The following FHOD3 variants were observed in gnomAD, a reference collection of about 807,000 sequenced individuals.
FHOD3 encodes formin homology 2 domain containing 3, also known as FH1/FH2 domain-containing protein 3.
Under a neutral mutation model 173.0 loss-of-function variants are expected in FHOD3, and 90 were observed. The observed-to-expected ratio is 0.52, with a 90% CI of 0.44 to 0.62. The LOEUF (loss-of-function observed/expected upper bound fraction) is 0.62. FHOD3 is among the 20% of genes least tolerant of loss of function. The pLI, the probability that FHOD3 is intolerant of heterozygous loss-of-function variation, is 0.00. For missense variants in FHOD3, 1,945 were observed against 2,034.7 expected, an observed-to-expected ratio of 0.96 and a Z score of 0.85; for synonymous variants, 828 against 823.0, an observed-to-expected ratio of 1.01 and a Z score of -0.10.
At chr18:36,661,225 A>T (rs982296488) in intron 14 of FHOD3, among the ~76,000 whole-genome samples, 1 of 152,028 alleles carries the variant, frequency 6.6e-6, no homozygotes, top group Non-Finnish European at 1.5e-5. Flanking sequence ...AGACATTTTT[A>T]TATAGTTTGA....
At chr18:36,464,825 TC>T (rs2052807711) in intron 3 of FHOD3, among the ~76,000 whole-genome samples, 1 of 151,992 alleles carries the variant, frequency 6.6e-6, no homozygotes. Flanking sequence ...CTCTTCTTGC[TC>T]CCACCCTCTG....
chr18:36,703,886 C>A (rs530879386), intron 17 of FHOD3, among the ~76,000 whole-genome samples: 2 of 152,320 alleles, frequency 1.3e-5, no homozygotes, highest in East Asian at 1.9e-4. Flanking sequence ...GTTTCTCCCC[C>A]CTTCCATGGG....
intron 3 of FHOD3, among the ~76,000 whole-genome samples, chr18:36,453,511 G>A (rs559452722): frequency 8.5e-5 from 13 of 152,222 alleles, no homozygotes; most frequent in South Asian, 2.1e-4. Flanking sequence ...CGTGCTCTGC[G>A]CAATGCAGCC....
chr18:36,663,185 T>C (rs2036928155), intron 14 of FHOD3, among the ~76,000 whole-genome samples: 1 of 152,236 alleles, frequency 6.6e-6, no homozygotes, highest in East Asian at 1.9e-4. Flanking sequence ...TTAAATGTTT[T>C]ATCTATCTGG....
intron 3 of FHOD3, among the ~76,000 whole-genome samples, chr18:36,385,577 C>T (rs1331576453): frequency 2.6e-5 from 4 of 152,146 alleles, no homozygotes; most frequent in Admixed American, 6.5e-5. Flanking sequence ...TCATATTTTT[C>T]GTAGAGACAG....
intron 3 of FHOD3, among the ~76,000 whole-genome samples, chr18:36,474,986 TACACACACACACACAC>T (rs3056805): frequency 0.11 from 12,287 of 108,032 alleles, 645 homozygotes; most frequent in East Asian, 0.31. Context: ...AATACACACA[TACACACACACACACAC>T]ACACACACAC....
At chr18:36,682,726 G>C (rs2038335664) in intron 15 of FHOD3, among the ~76,000 whole-genome samples, 1 of 152,088 alleles carries the variant, frequency 6.6e-6, no homozygotes, top group Non-Finnish European at 1.5e-5. Context: ...GGAATTACAG[G>C]CCACACCACC....
At chr18:36,777,166 T>A (rs796401971) in intron 28 of FHOD3, among the ~76,000 whole-genome samples, 27 of 151,904 alleles carry the variant, frequency 1.8e-4, no homozygotes, top group African/African-American at 6.5e-4. Context: ...GATGCCCAGC[T>A]AGTGCAGCAT....
intron 5 of FHOD3, among the ~76,000 whole-genome samples, chr18:36,519,116 C>CA (rs1455806637): frequency 2.6e-5 from 4 of 152,208 alleles, no homozygotes; most frequent in Middle Eastern, 3.2e-3. Flanking sequence ...ATCAGGCCTG[C>CA]ACCCTCTTAA....
chr18:36,706,268 A>C (rs1399056863), intron 17 of FHOD3, among the ~76,000 whole-genome samples: 1 of 152,096 alleles, frequency 6.6e-6, no homozygotes, highest in Non-Finnish European at 1.5e-5. Context: ...GCTTGACTTG[A>C]ATGTGTGTGA....
chr18:36,373,261 A>G (rs2047278933), intron 3 of FHOD3, among the ~76,000 whole-genome samples: 1 of 152,226 alleles, frequency 6.6e-6, no homozygotes. Flanking sequence ...CCTCCTGGTA[A>G]TGGGCCAAGT....
chr18:36,655,350 C>G (rs528224885), intron 13 of FHOD3, among the ~76,000 whole-genome samples: 1 of 152,090 alleles, frequency 6.6e-6, no homozygotes, highest in South Asian at 2.1e-4. Context: ...TGGTGATGGT[C>G]TCGGCCCTAG....
Position 36,769,389 on chromosome 18 carries a change from G to A in FHOD3, c.4749G>A (p.Pro1583=), listed in dbSNP as rs1446040343. 4.3e-6 allele frequency: 7 copies of A among 1,614,030 alleles called. No homozygotes were observed. Among genetic ancestry groups the A allele is most frequent in the African/African-American group, 1.3e-5 (1 of 74,908 alleles). The change falls in exon 28 of 29, where the codon CCG becomes CCA. Residue 1583 remains proline (P), a synonymous_variant. Coordinates refer to ENST00000590592, the MANE Select transcript of FHOD3 (RefSeq NM_001281740.3). The part of the protein sequence containing the change: ...ATQVPSQRVV[P]RERKRSRANR... ...AAGTGCCCAGTCAGCGAGTGGTGCC[G>A]AGGGAGAGGAAACGATCCCGGGCCA...
chr18:36,605,601 C>T (rs2031969469), intron 8 of FHOD3, among the ~76,000 whole-genome samples: 1 of 152,084 alleles, frequency 6.6e-6, no homozygotes, highest in African/African-American at 2.4e-5. Context: ...TTATTTATAT[C>T]CTGCTTCTCA....
At chr18:36,751,020 G>A (rs1386465457) in intron 24 of FHOD3, among the ~76,000 whole-genome samples, 1 of 152,172 alleles carries the variant, frequency 6.6e-6, no homozygotes, top group African/African-American at 2.4e-5. Flanking sequence ...TGTGAAGAAT[G>A]TCTTTGGTAG....
intron 4 of FHOD3, among the ~76,000 whole-genome samples, chr18:36,511,304 C>G (rs1169635697): frequency 4.0e-5 from 6 of 150,128 alleles, no homozygotes; most frequent in African/African-American, 1.2e-4. Context: ...CAGCTTGGTA[C>G]TATGAAAAAA....
At chr18:36,448,674 T>C (rs1247482033) in intron 3 of FHOD3, among the ~76,000 whole-genome samples, 2 of 152,188 alleles carry the variant, frequency 1.3e-5, no homozygotes, top group East Asian at 3.8e-4. Context: ...CAAATTACTC[T>C]TCCTCCTTCT....
At chr18:36,385,545 C>T (rs919548568) in intron 3 of FHOD3, among the ~76,000 whole-genome samples, 4 of 152,072 alleles carry the variant, frequency 2.6e-5, no homozygotes, top group African/African-American at 9.7e-5. Flanking sequence ...TATAGGCGCC[C>T]ACCACCATGC....
chr18:36,643,830 T>C (rs565370308), intron 10 of FHOD3, among the ~76,000 whole-genome samples: 2 of 152,362 alleles, frequency 1.3e-5, no homozygotes, highest in East Asian at 1.9e-4. Context: ...TTAGATATAT[T>C]GCAAATGTCT....
Sources: allele counts gnomAD v4.1 joint callset (sites outside exome capture counted in the v4.1 genomes callset), GRCh38; gene constraint gnomAD v4.1.1; transcripts MANE v1.5; gene names NCBI Gene and HGNC (gene_info 2026-07-23, HGNC 2026-07-21).